Variants in POP7 observed in about 807,000 individuals in gnomAD.
POP7 encodes ribonuclease P protein subunit p20.
In POP7, 5 loss-of-function variants were observed where a neutral mutation model predicts 7.5. That is an observed-to-expected ratio of 0.66 (90% CI 0.35 to 1.40). POP7 has a LOEUF of 1.40. POP7 is among the 40% of genes most tolerant of loss of function. POP7 has a pLI of 0.04. For missense variants in POP7, 170 were observed against 189.1 expected, an observed-to-expected ratio of 0.90 and a Z score of 0.59; for synonymous variants, 85 against 81.6, an observed-to-expected ratio of 1.04 and a Z score of -0.23.
Position 100,706,929 on chromosome 7 carries a change from A to C in POP7, c.99A>C (p.Arg33Ser), listed in dbSNP as rs751176817. Residue 33 changes from arginine to serine, a missense_variant, in exon 2 of 2, where the codon AGA (arginine) becomes AGC (serine). By Grantham distance (110) the Arg-to-Ser change is moderately radical (BLOSUM62 -1). Transcript: ENST00000303151. ...GGCTTCCCAGCCGCCTGCCCCGGAG[A>C]CCCAATGACATTTATGTCAACATGA... ...RKRLPSRLPRRPNDIYVNMKT... is the reference protein window; with the variant it reads ...RKRLPSRLPRSPNDIYVNMKT... 1 of 1,613,978 alleles carries C rather than the reference A, an allele frequency of 6.2e-7. No homozygotes were observed. The highest frequency in any genetic ancestry group is 8.5e-7 in the Non-Finnish European group (1 of 1,180,034).
chr7:100,707,436 T>G lies in POP7; in HGVS notation c.*183T>G. On this transcript the variant is annotated 3_prime_UTR_variant, in exon 2 of 2. Transcript: ENST00000303151. ...GTTAGTGGGCCTTCCTGAGTGTGTG[T>G]ATGCGGTCTGTAACTATTGCCATAT... The G allele has an allele frequency of 1.5e-6, 1 of 668,838 alleles. No individual in the cohort carries two copies. Among genetic ancestry groups the G allele is most frequent in the Admixed American group, 3.0e-5 (1 of 33,706 alleles). The allele number at this position is 668,838 out of a possible 1,614,324, so 41.4% of individuals were successfully genotyped here.
In POP7 at chr7:100,707,007, G is replaced by A; in HGVS notation, c.177G>A (p.Gly59=). The A allele has an allele frequency of 6.2e-7, 1 of 1,614,110 alleles. No individual in the cohort carries two copies. Among genetic ancestry groups the A allele is most frequent in the Non-Finnish European group, 8.5e-7 (1 of 1,180,036 alleles). ...LARCQKLLDG[G]ARGQNACSEI... ...GCTGCCAGAAGCTGCTGGACGGAGG[G>A]GCCCGGGGTCAGAACGCGTGCTCTG... Residue 59 remains glycine (G), a synonymous_variant, in exon 2 of 2, where the codon GGG becomes GGA. Transcript: ENST00000303151.
At position 100,707,280 on chromosome 7, in the gene POP7, C is replaced by T; in HGVS notation, c.*27C>T. ...TGAAAAGACACTCCTCCACTTATCC[C>T]CTCCGTGATATGGCTCTTCGCATGC... On this transcript the variant is annotated 3_prime_UTR_variant, in exon 2 of 2. Transcript: ENST00000303151. 12 of 1,599,908 alleles carry T rather than the reference C, an allele frequency of 7.5e-6. No homozygotes were observed. Among genetic ancestry groups the T allele is most frequent in the Non-Finnish European group, 1.0e-5 (12 of 1,170,704 alleles).
chr7:100,707,202 C>T lies in POP7; in HGVS notation c.372C>T (p.Ile124=). Residue 124 remains isoleucine (I), a synonymous_variant, in exon 2 of 2, where the codon ATC becomes ATT. Coordinates refer to ENST00000303151, the MANE Select transcript of POP7 (RefSeq NM_005837.3). ...ETDTREPLTR[I]RNNSAIHIRV... ...ACACACGGGAGCCACTGACTCGGAT[C>T]CGCAACAACTCAGCCATCCACATCC... 8.1e-6 allele frequency: 13 copies of T among 1,614,214 alleles called. No individual in the cohort carries two copies. The highest frequency in any genetic ancestry group is 1.1e-5 in the Non-Finnish European group (13 of 1,180,032).
At position 100,706,812 on chromosome 7, in the gene POP7, C is replaced by G. The variant is rs1366817749; in HGVS notation, c.-10-9C>G. ...TGAGCCCTCTGATCGCGTCCCTTTC[C>G]CACGCCAGGGCACACAGCATGGCAG... On this transcript the variant is annotated splice_polypyrimidine_tract_variant and intron_variant, in intron 1 of 1. Coordinates refer to ENST00000303151, the MANE Select transcript of POP7 (RefSeq NM_005837.3). The G allele has an allele frequency of 3.1e-6, 5 of 1,606,456 alleles. No individual in the cohort carries two copies. Among genetic ancestry groups the G allele is most frequent in the Non-Finnish European group, 4.3e-6 (5 of 1,175,156 alleles).
At chr7:100,706,739 T>C in intron 1 of POP7, 82 bp from the exon 2 acceptor site, 7 of 1,406,508 alleles carry the variant, frequency 5.0e-6, no homozygotes, top group Non-Finnish European at 6.8e-6. Flanking sequence ...CCCGGCCAGG[T>C]GCACCCTTTG....
Position 100,707,188 on chromosome 7 carries a change from C to G in POP7, c.358C>G (p.Pro120Ala). The stretch of plus-strand genomic sequence containing the variant: ...GGAGCCAGAGACCGACACACGGGAG[C>G]CACTGACTCGGATCCGCAACAACTC... The part of the protein sequence containing the change: ...ELEPETDTRE[P>A]LTRIRNNSAI... Residue 120 changes from proline to alanine, a missense_variant, in exon 2 of 2, where the codon CCA (proline) becomes GCA (alanine). Physicochemically the swap from Pro to Ala is conservative, Grantham distance 27 (BLOSUM62 -1). Transcript: ENST00000303151. 6.2e-7 allele frequency: 1 copy of G among 1,614,212 alleles called. No homozygotes were observed. Among genetic ancestry groups the G allele is most frequent in the Non-Finnish European group, 8.5e-7 (1 of 1,180,052 alleles).
intron 1 of POP7, 196 bp downstream of exon 1, chr7:100,706,500 G>A (rs995155743): frequency 4.7e-5 from 16 of 337,712 alleles, no homozygotes; most frequent in African/African-American, 3.1e-4. Flanking sequence ...TGAGACAGAG[G>A]CTTGCTCTGT....
chr7:100,706,923 C>T lies in POP7; in HGVS notation c.93C>T (p.Pro31=), dbSNP rs757859495. The part of the protein sequence containing the change: ...TLRKRLPSRL[P]RRPNDIYVNM... The stretch of plus-strand genomic sequence containing the variant: ...GGAAAAGGCTTCCCAGCCGCCTGCC[C>T]CGGAGACCCAATGACATTTATGTCA... Residue 31 remains proline, a synonymous_variant, in exon 2 of 2, where the codon CCC becomes CCT. Transcript: ENST00000303151. The T allele has an allele frequency of 2.5e-6, 4 of 1,614,038 alleles. No individual in the cohort carries two copies. Among genetic ancestry groups the T allele is most frequent in the South Asian group, 2.2e-5 (2 of 91,078 alleles).
rs1806535763 is a variant in POP7, at chr7:100,707,182, C to T, written c.352C>T (p.Arg118Trp). Reference protein sequence around the residue: ...VDELEPETDTREPLTRIRNNS... With the variant: ...VDELEPETDTWEPLTRIRNNS... Reference sequence around the variant, plus strand: ...TGAGCTGGAGCCAGAGACCGACACACGGGAGCCACTGACTCGGATCCGCAA... The same window carrying T: ...TGAGCTGGAGCCAGAGACCGACACATGGGAGCCACTGACTCGGATCCGCAA... Residue 118 changes from arginine (R) to tryptophan (W), a missense_variant, in exon 2 of 2, where the codon CGG becomes TGG. By Grantham distance (101) the Arg-to-Trp change is moderately radical. Coordinates refer to ENST00000303151, the MANE Select transcript of POP7 (RefSeq NM_005837.3). 8 of 1,614,216 alleles carry T rather than the reference C, an allele frequency of 5.0e-6. No individual in the cohort carries two copies. The highest frequency in any genetic ancestry group is 6.8e-6 in the Non-Finnish European group (8 of 1,180,042).
rs1806535028 is a variant in POP7 at position 100,707,153 on chromosome 7, T to C, written c.323T>C (p.Val108Ala). 5 of 1,614,204 alleles carry C rather than the reference T, an allele frequency of 3.1e-6. No homozygotes were observed. The highest frequency in any genetic ancestry group is 4.2e-6 in the Non-Finnish European group (5 of 1,180,038). ...GCCAATACCTCCACCGTGGAGCTTG[T>C]TGATGAGCTGGAGCCAGAGACCGAC... Reference protein sequence around the residue: ...VAANTSTVELVDELEPETDTR... With the variant: ...VAANTSTVELADELEPETDTR... The change falls in exon 2 of 2, where the codon GTT (valine) becomes GCT (alanine). Residue 108 changes from valine to alanine, a missense_variant. Val to Ala is a moderately conservative substitution (Grantham distance 64). Coordinates refer to ENST00000303151, the MANE Select transcript of POP7 (RefSeq NM_005837.3).
In POP7 at chr7:100,707,197, C is replaced by G; in HGVS notation, c.367C>G (p.Arg123Gly). Residue 123 changes from arginine (R) to glycine (G), a missense_variant, in exon 2 of 2, where the codon CGG (arginine) becomes GGG (glycine). Arg to Gly is a moderately radical substitution (Grantham distance 125). Transcript: ENST00000303151. ...GACCGACACACGGGAGCCACTGACTCGGATCCGCAACAACTCAGCCATCCA... is the reference window on the plus strand; with the variant it reads ...GACCGACACACGGGAGCCACTGACTGGGATCCGCAACAACTCAGCCATCCA... ...PETDTREPLTRIRNNSAIHIR... is the reference protein window; with the variant it reads ...PETDTREPLTGIRNNSAIHIR... 1.2e-6 allele frequency: 2 copies of G among 1,614,172 alleles called. No homozygotes were observed. The highest frequency in any genetic ancestry group is 1.7e-6 in the Non-Finnish European group (2 of 1,180,010).
In POP7 at chr7:100,706,843, C is replaced by G; in HGVS notation, c.13C>G (p.Arg5Gly). Residue 5 changes from arginine (R) to glycine (G), a missense_variant, in exon 2 of 2, where the codon CGA becomes GGA. Arg to Gly is a moderately radical substitution (Grantham distance 125). Coordinates refer to ENST00000303151, the MANE Select transcript of POP7 (RefSeq NM_005837.3). Reference protein sequence around the residue: MAENREPRGAVEAEL... With the variant: MAENGEPRGAVEAEL... The stretch of plus-strand genomic sequence containing the variant: ...CAGGGCACACAGCATGGCAGAAAAC[C>G]GAGAGCCCCGCGGTGCTGTGGAGGC... 1 of 1,613,060 alleles carries G rather than the reference C, an allele frequency of 6.2e-7. No homozygotes were observed. Among genetic ancestry groups the G allele is most frequent in the South Asian group, 1.1e-5 (1 of 91,056 alleles).
rs1422717015 is a variant in POP7, at chr7:100,706,981, C to T, written c.151C>T (p.Arg51Cys). 7.4e-6 allele frequency: 12 copies of T among 1,613,980 alleles called. No homozygotes were observed. The highest frequency in any genetic ancestry group is 5.0e-5 in the Admixed American group (3 of 60,008). The change falls in exon 2 of 2, where the codon CGC becomes TGC. Residue 51 changes from arginine to cysteine, a missense_variant. Coordinates refer to ENST00000303151, the MANE Select transcript of POP7 (RefSeq NM_005837.3). ...GACGGACTTTAAGGCCCAGCTGGCC[C>T]GCTGCCAGAAGCTGCTGGACGGAGG... The part of the protein sequence containing the change: ...MKTDFKAQLA[R>C]CQKLLDGGAR...
chr7:100,706,961 A>T lies in POP7; in HGVS notation c.131A>T (p.Asp44Val), dbSNP rs746355859. The change falls in exon 2 of 2, where the codon GAC becomes GTC. Residue 44 changes from aspartate (D) to valine (V), a missense_variant. Transcript: ENST00000303151. ...PNDIYVNMKT[D>V]FKAQLARCQK... ...GACATTTATGTCAACATGAAGACGG[A>T]CTTTAAGGCCCAGCTGGCCCGCTGC... is the stretch of plus-strand genomic sequence containing the variant. 1 of 1,613,962 alleles carries T rather than the reference A, an allele frequency of 6.2e-7. No individual in the cohort carries two copies. The highest frequency in any genetic ancestry group is 8.5e-7 in the Non-Finnish European group (1 of 1,180,050).
At chr7:100,706,668 G>T (rs1202475501) in intron 1 of POP7, among the ~76,000 whole-genome samples, 153 bp from the exon 2 acceptor site, 1 of 152,030 alleles carries the variant, frequency 6.6e-6, no homozygotes, top group African/African-American at 2.4e-5. Context: ...AAACACCCGG[G>T]CTCCAGTGAT....
chr7:100,706,645 C>T (rs1188779979), intron 1 of POP7, among the ~76,000 whole-genome samples, 176 bp from the exon 2 acceptor site: 4 of 151,972 alleles, frequency 2.6e-5, no homozygotes, highest in Non-Finnish European at 5.9e-5. Flanking sequence ...GCTATGTTGC[C>T]CAGGCTGATC....
In POP7 at chr7:100,707,308, A is replaced by C; in HGVS notation, c.*55A>C. On this transcript the variant is annotated 3_prime_UTR_variant, in exon 2 of 2. Coordinates refer to ENST00000303151, the MANE Select transcript of POP7 (RefSeq NM_005837.3). ...CCGTGATATGGCTCTTCGCATGCTG[A>C]GTACTGGACCTCGGACCAGAGCCAT... 1 of 1,550,206 alleles carries C rather than the reference A, an allele frequency of 6.5e-7. No individual in the cohort carries two copies. The highest frequency in any genetic ancestry group is 1.2e-5 in the South Asian group (1 of 83,750).
intron 1 of POP7, 136 bp from the exon 2 acceptor site, chr7:100,706,685 G>A (rs1806523895): frequency 2.3e-6 from 2 of 856,258 alleles, no homozygotes; most frequent in South Asian, 1.7e-5. Flanking sequence ...TGATCCTCCC[G>A]CCTCGACCTT....
Sources: allele counts gnomAD v4.1 joint callset (sites outside exome capture counted in the v4.1 genomes callset), GRCh38; gene constraint gnomAD v4.1.1; transcripts MANE v1.5; gene names NCBI Gene and HGNC (gene_info 2026-07-23, HGNC 2026-07-21).